The following NTM variants were observed in gnomAD, a reference collection of about 807,000 sequenced individuals.
NTM encodes neurotrimin.
Under a neutral mutation model 42.1 loss-of-function variants are expected in NTM, and 13 were observed. The ratio of observed to expected loss-of-function variants is 0.31; its 90% CI spans 0.20 to 0.49. The LOEUF is 0.49. Ranked by LOEUF, NTM falls within the 20% of genes least tolerant of loss-of-function variation. The pLI, the probability that NTM is intolerant of heterozygous loss-of-function variation, is 0.99. For missense variants in NTM, 373 were observed against 452.8 expected, an observed-to-expected ratio of 0.82 and a Z score of 1.60; for synonymous variants, 187 against 179.2, an observed-to-expected ratio of 1.04 and a Z score of -0.35.
intron 1 of NTM, among the ~76,000 whole-genome samples, chr11:131,697,659 T>G (rs1468417277): frequency 2.0e-5 from 3 of 152,240 alleles, no homozygotes; most frequent in Non-Finnish European, 4.4e-5. Flanking sequence ...GACTTGATTT[T>G]TTATTTTCAA....
chr11:132,330,280 TC>T, intron 8 of NTM, 95 bp downstream of exon 8: 5 of 1,401,382 alleles, frequency 3.6e-6, no homozygotes, highest in Non-Finnish European at 4.9e-6. Context: ...CTGAGCTAAC[TC>T]CAGGAAGCAG....
intron 1 of NTM, among the ~76,000 whole-genome samples, chr11:131,448,833 A>G (rs1950263540): frequency 6.6e-6 from 1 of 152,220 alleles, no homozygotes; most frequent in Admixed American, 6.5e-5. Context: ...GCTGCATTCC[A>G]GTGGCTTTCG....
At chr11:132,047,731 C>A (rs199687658) in intron 2 of NTM, among the ~76,000 whole-genome samples, 3 of 152,200 alleles carry the variant, frequency 2.0e-5, no homozygotes, top group Non-Finnish European at 4.4e-5. Context: ...TCCTCTTAGG[C>A]CCCACTGTTT....
intron 3 of NTM, among the ~76,000 whole-genome samples, chr11:132,182,334 T>TA (rs1303631703): frequency 6.6e-6 from 1 of 152,214 alleles, no homozygotes; most frequent in African/African-American, 2.4e-5. Flanking sequence ...AACAGTGATG[T>TA]ACTAGCTAAG....
chr11:131,471,433 G>A (rs1251100219), intron 1 of NTM, among the ~76,000 whole-genome samples: 1 of 152,174 alleles, frequency 6.6e-6, no homozygotes, highest in Admixed American at 6.5e-5. Context: ...AGACAGATAG[G>A]ACACCATCAT....
chr11:131,835,531 G>A (rs1024915414), intron 1 of NTM, among the ~76,000 whole-genome samples: 17 of 151,966 alleles, frequency 1.1e-4, no homozygotes, highest in African/African-American at 3.9e-4. Context: ...TTTAAACCAC[G>A]ATGATATATT....
intron 4 of NTM, among the ~76,000 whole-genome samples, chr11:132,275,655 C>T (rs1453628295): frequency 8.0e-6 from 1 of 125,348 alleles, no homozygotes; most frequent in African/African-American, 2.9e-5. Context: ...TGATACATTA[C>T]AATTGTGCAT....
At chr11:132,005,764 T>C (rs2070627073) in intron 2 of NTM, among the ~76,000 whole-genome samples, 1 of 152,198 alleles carries the variant, frequency 6.6e-6, no homozygotes, top group Non-Finnish European at 1.5e-5. Flanking sequence ...CCTCCCATTT[T>C]CTGTTTCACC....
intron 2 of NTM, among the ~76,000 whole-genome samples, chr11:132,132,388 T>C (rs2137091600): frequency 6.6e-6 from 1 of 152,394 alleles, no homozygotes; most frequent in East Asian, 1.9e-4. Flanking sequence ...TTCATTTAAG[T>C]AGCTGTTATC....
At chr11:132,307,506 A>T (rs1280914248) in intron 4 of NTM, 183 bp from the exon 5 acceptor site, 1 of 262,118 alleles carries the variant, frequency 3.8e-6, no homozygotes, top group Non-Finnish European at 5.9e-6. Context: ...AGCCAAGGAA[A>T]AGTTGGTGGT....
chr11:131,518,401 C>CT (rs1459264234), intron 1 of NTM, among the ~76,000 whole-genome samples: 1 of 152,032 alleles, frequency 6.6e-6, no homozygotes, highest in African/African-American at 2.4e-5. Context: ...TTCAGAAGTC[C>CT]TTTTTTTAAG....
chr11:131,434,417 AT>A (rs1160516881), intron 1 of NTM, among the ~76,000 whole-genome samples: 1 of 152,166 alleles, frequency 6.6e-6, no homozygotes, highest in Non-Finnish European at 1.5e-5. Flanking sequence ...GTGTAAAAGC[AT>A]TCCTATTTCT....
Position 131,546,289 on chromosome 11 carries a change from T to C in NTM, c.82+175401T>C, listed in dbSNP as rs150885551. ...AAACTAAACCCGGTTCTTCTTTGCC[T>C]CAAAATAACCCTGGATTGATTTTAT... On this transcript the variant is annotated intron_variant, in intron 1 of 8. Transcript: ENST00000683400. Among the ~76,000 whole-genome samples the C allele has an allele frequency of 3.2e-4, 48 of 152,290 alleles. No homozygotes were observed. The East Asian group carries it at 8.3e-3, about 26-fold the overall frequency.
intron 2 of NTM, among the ~76,000 whole-genome samples, chr11:132,056,970 C>A (rs1355260276): frequency 6.6e-6 from 1 of 152,162 alleles, no homozygotes; most frequent in African/African-American, 2.4e-5. Flanking sequence ...CCTGCTTTGT[C>A]GTATAGCAGT....
chr11:132,231,496 G>T (rs1446884521), intron 4 of NTM, among the ~76,000 whole-genome samples: 1 of 152,186 alleles, frequency 6.6e-6, no homozygotes, highest in African/African-American at 2.4e-5. Flanking sequence ...AATTTGCATA[G>T]ACACAGAAGT....
At chr11:131,947,358 C>T (rs542669932) in intron 2 of NTM, among the ~76,000 whole-genome samples, 64 of 152,160 alleles carry the variant, frequency 4.2e-4, no homozygotes, top group African/African-American at 1.2e-3. Context: ...ACTTCTGGAC[C>T]GCTTCAGGAA....
At chr11:132,298,443 C>T (rs1005917638) in intron 4 of NTM, among the ~76,000 whole-genome samples, 9 of 152,100 alleles carry the variant, frequency 5.9e-5, no homozygotes, top group African/African-American at 7.2e-5. Flanking sequence ...TATCATCACG[C>T]GTAATAGAGG....
intron 1 of NTM, among the ~76,000 whole-genome samples, chr11:131,433,266 T>C (rs1948839076): frequency 6.6e-6 from 1 of 152,200 alleles, no homozygotes; most frequent in African/African-American, 2.4e-5. Flanking sequence ...ATTATAAATA[T>C]TAATGCAAAT....
chr11:131,871,639 G>A (rs1489657043), intron 1 of NTM, among the ~76,000 whole-genome samples: 1 of 152,092 alleles, frequency 6.6e-6, no homozygotes, highest in African/African-American at 2.4e-5. Flanking sequence ...TTGCATTTAT[G>A]GGCTTGTTCT....
Sources: gnomAD v4.1 joint callset for allele counts (sites outside exome capture counted in the v4.1 genomes callset) on GRCh38, gnomAD v4.1.1 for gene constraint, MANE v1.5 for transcripts, NCBI Gene and HGNC (gene_info 2026-07-23, HGNC 2026-07-21) for gene names.